Variants in ENAH observed in about 807,000 individuals in gnomAD.
ENAH encodes the protein protein enabled homolog.
A neutral mutation model predicts 78.7 loss-of-function variants in ENAH; 23 were observed. The observed-to-expected ratio is 0.29, with a 90% CI of 0.21 to 0.41. ENAH has a LOEUF of 0.41. ENAH is among the 10% of genes least tolerant of loss of function. The pLI, the probability that ENAH is intolerant of heterozygous loss-of-function variation, is 1.00. For missense variants in ENAH, 544 were observed against 691.0 expected, an observed-to-expected ratio of 0.79 and a Z score of 2.39; for synonymous variants, 226 against 241.0, an observed-to-expected ratio of 0.94 and a Z score of 0.58.
intron 1 of ENAH, among the ~76,000 whole-genome samples, chr1:225,622,318 G>C (rs1297671946): frequency 6.6e-6 from 1 of 152,176 alleles, no homozygotes; most frequent in Non-Finnish European, 1.5e-5. Flanking sequence ...GCCAGGCACT[G>C]TGACTCAAGC....
rs745561709 is a variant in ENAH at position 225,554,900 on chromosome 1, C to T, written c.349+6G>A. On this transcript the variant is annotated splice_donor_region_variant and intron_variant, in intron 3 of 13. Transcript: ENST00000366843. ...AGAAAATACAAATAAACCATGGGCA[C>T]CTTACCTGTTTCCTGTGAATTTAAC... is the stretch of plus-strand genomic sequence containing the variant. 3.3e-6 allele frequency: 5 copies of T among 1,519,982 alleles called. No individual in the cohort carries two copies. In the African/African-American group the frequency reaches 5.4e-5, roughly 16 times the overall value. The allele number at this position is 1,519,982 out of a possible 1,614,324, so 94.2% of individuals were successfully genotyped here.
chr1:225,582,338 G>A (rs1402978720), intron 1 of ENAH, among the ~76,000 whole-genome samples: 1 of 152,170 alleles, frequency 6.6e-6, no homozygotes, highest in African/African-American at 2.4e-5. Context: ...CCAAGCTCAG[G>A]TATTTATTTA....
At chr1:225,636,123 G>A (rs1660018229) in intron 1 of ENAH, among the ~76,000 whole-genome samples, 1 of 152,144 alleles carries the variant, frequency 6.6e-6, no homozygotes, top group South Asian at 2.1e-4. Context: ...ATAATGATAG[G>A]AGCATTTATG....
At chr1:225,524,627 C>T in intron 4 of ENAH, 2 of 985,422 alleles carry the variant, frequency 2.0e-6, no homozygotes, top group Non-Finnish European at 2.4e-6. Flanking sequence ...TTTGGTCCAT[C>T]CGGCCTCCGA....
Position 225,489,267 on chromosome 1 carries a change from G to GA in ENAH, c.*8507dup, listed in dbSNP as rs1575260326. ...TTGGAATCAGTCTTTCTGAACGGCA[G>GA]AATGTGCTTCCAGGTTGAAGCACAA... On this transcript the variant is annotated 3_prime_UTR_variant, in exon 14 of 14. Coordinates refer to ENST00000366843, the MANE Select transcript of ENAH (RefSeq NM_018212.6). The GA allele has an allele frequency of 6.6e-6, 1 of 152,170 alleles. No homozygotes were observed. 9.4% of individuals were successfully genotyped at this position (152,170 alleles called of 1,614,324 possible). A position where few individuals can be genotyped will look rare whatever the true frequency, so the allele number is the denominator to read the frequency against.
intron 1 of ENAH, among the ~76,000 whole-genome samples, chr1:225,586,132 G>A (rs2096845018): frequency 6.6e-6 from 1 of 151,650 alleles, no homozygotes; most frequent in African/African-American, 2.4e-5. Context: ...TGGAGGATCA[G>A]CTGAGCCAAG....
chr1:225,555,763 CTCT>C (rs1329786596), intron 2 of ENAH, among the ~76,000 whole-genome samples: 3 of 152,122 alleles, frequency 2.0e-5, no homozygotes, highest in Admixed American at 2.0e-4. Flanking sequence ...CCAGAAGCCC[CTCT>C]TCTTAACTCC....
chr1:225,652,552 AG>A (rs2148538362), intron 1 of ENAH, 133 bp downstream of exon 1: 4 of 1,055,504 alleles, frequency 3.8e-6, no homozygotes, highest in East Asian at 3.2e-5. Flanking sequence ...CAAAAGGCGG[AG>A]GGGGGAGGAA....
intron 3 of ENAH, among the ~76,000 whole-genome samples, chr1:225,537,818 T>C (rs2096569472): frequency 6.6e-6 from 1 of 152,032 alleles, no homozygotes; most frequent in Non-Finnish European, 1.5e-5. Flanking sequence ...ACTTTACCAT[T>C]AGGCGTTTTG....
In ENAH at chr1:225,509,005, C is replaced by T. The variant is rs1164273176; in HGVS notation, c.1472-988G>A. ...TTCTGGATTTCTTGTTGCATGAAGG[C>T]ATTAGATGTGAAACCTTAAAGTCAT... On this transcript the variant is annotated intron_variant, in intron 10 of 13. Coordinates refer to ENST00000366843, the MANE Select transcript of ENAH (RefSeq NM_018212.6). Among the ~76,000 whole-genome samples, 9 of 152,298 alleles carry T rather than the reference C, an allele frequency of 5.9e-5. No individual in the cohort carries two copies. In the East Asian group the frequency reaches 1.7e-3, roughly 29 times the overall value.
At chr1:225,569,699 C>CA (rs1364209769) in intron 1 of ENAH, among the ~76,000 whole-genome samples, 1 of 151,652 alleles carries the variant, frequency 6.6e-6, no homozygotes, top group African/African-American at 2.4e-5. Flanking sequence ...GTCAAAAATG[C>CA]AAAAAATTAA....
Position 225,493,122 on chromosome 1 carries a change from T to C in ENAH, c.*4653A>G, listed in dbSNP as rs559941613. On this transcript the variant is annotated 3_prime_UTR_variant, in exon 14 of 14. Transcript: ENST00000366843. Reference sequence around the variant, plus strand: ...TTTAGGTTTTAATTTGAAGGTTTCATCTTTCCAGTATTGATATTTTAAAAA... The same window carrying C: ...TTTAGGTTTTAATTTGAAGGTTTCACCTTTCCAGTATTGATATTTTAAAAA... The C allele has an allele frequency of 6.6e-6, 1 of 152,352 alleles. No homozygotes were observed. The highest frequency in any genetic ancestry group is 2.1e-4 in the South Asian group (1 of 4,830). The allele number at this position is 152,352 out of a possible 1,614,324, so 9.4% of individuals were successfully genotyped here.
At chr1:225,524,035 TTC>T (rs1263693897) in intron 4 of ENAH, among the ~76,000 whole-genome samples, 3 of 152,192 alleles carry the variant, frequency 2.0e-5, no homozygotes, top group African/African-American at 7.2e-5. Context: ...ATTTGAAAGT[TTC>T]TGAGAATATA....
chr1:225,570,764 G>T (rs1186112017), intron 1 of ENAH, among the ~76,000 whole-genome samples: 3 of 150,136 alleles, frequency 2.0e-5, no homozygotes, highest in African/African-American at 7.4e-5. Flanking sequence ...TGGGAGACCA[G>T]CCTGACCAAC....
intron 5 of ENAH, among the ~76,000 whole-genome samples, chr1:225,518,708 T>C (rs1342542185): frequency 6.6e-6 from 1 of 152,226 alleles, no homozygotes; most frequent in Non-Finnish European, 1.5e-5. Flanking sequence ...TTTTCACTAA[T>C]TTTTCATAAT....
intron 3 of ENAH, among the ~76,000 whole-genome samples, chr1:225,546,652 T>C (rs1196737878): frequency 1.3e-5 from 2 of 152,176 alleles, no homozygotes; most frequent in Non-Finnish European, 2.9e-5. Flanking sequence ...AATTGAGGCT[T>C]TGAGGTATAA....
rs895695872 is a variant in ENAH at position 225,486,946 on chromosome 1, T to C, written c.*10829A>G. 1.3e-5 allele frequency: 2 copies of C among 152,534 alleles called. No homozygotes were observed. The highest frequency in any genetic ancestry group is 2.9e-5 in the Non-Finnish European group (2 of 68,018). 9.4% of individuals were successfully genotyped at this position (152,534 alleles called of 1,614,324 possible). A position where few individuals can be genotyped will look rare whatever the true frequency, so the allele number is the denominator to read the frequency against. ...GTAGGAAAGAAAGCTGAGGGAGAGA[T>C]TGATCCGATTTCAACGATGTGGCCA... On this transcript the variant is annotated 3_prime_UTR_variant, in exon 14 of 14. Transcript: ENST00000366843.
rs79819310 is a variant in ENAH, at chr1:225,528,846, C to G, written c.434+1708G>C. ...CCCAACAAGACCTGCTCTACGCAGT[C>G]TTTCACAACTATTGATGGCAACTCC... On this transcript the variant is annotated intron_variant, in intron 4 of 13. Coordinates refer to ENST00000366843, the MANE Select transcript of ENAH (RefSeq NM_018212.6). 4.2e-3 allele frequency among the ~76,000 whole-genome samples: 632 copies of G among 152,280 alleles called. 7 individuals are homozygous for G. Among genetic ancestry groups the G allele is most frequent in the African/African-American group, 0.014 (600 of 41,562 alleles).
At chr1:225,583,536 C>T (rs916038843) in intron 1 of ENAH, among the ~76,000 whole-genome samples, 11 of 151,334 alleles carry the variant, frequency 7.3e-5, no homozygotes, top group Admixed American at 2.6e-4. Context: ...TTAGGCTGGG[C>T]GCAGTGGCAC....
Sources: gnomAD v4.1 joint callset for allele counts (sites outside exome capture counted in the v4.1 genomes callset) on GRCh38, gnomAD v4.1.1 for gene constraint, MANE v1.5 for transcripts, NCBI Gene and HGNC (gene_info 2026-07-23, HGNC 2026-07-21) for gene names.